Variants in SUMF1 observed in about 807,000 individuals in gnomAD.
The protein encoded by SUMF1 is sulfatase modifying factor 1, also known as formylglycine-generating enzyme.
In SUMF1, 48 loss-of-function variants were observed where a neutral mutation model predicts 47.6. That is an observed-to-expected ratio of 1.01 (90% CI 0.80 to 1.28). The LOEUF is 1.28. Among genes scored for constraint, SUMF1 ranks in the 50% most tolerant of loss-of-function variants. SUMF1 has a pLI of 0.00. For missense variants in SUMF1, 571 were observed against 485.4 expected (o/e 1.18, Z -1.66); for synonymous variants, 230 against 192.1 (o/e 1.20, Z -1.63).
At chr3:4,143,703 G>A (rs185530264) in intron 8 of SUMF1, among the ~76,000 whole-genome samples, 20 of 152,116 alleles carry the variant, frequency 1.3e-4, no homozygotes, top group African/African-American at 4.6e-4. Flanking sequence ...TATAAAACTA[G>A]GCCCAGGGAG....
At chr3:4,226,784 C>G (rs1216370990) in intron 8 of SUMF1, among the ~76,000 whole-genome samples, 1 of 152,056 alleles carries the variant, frequency 6.6e-6, no homozygotes, top group Non-Finnish European at 1.5e-5. Context: ...TACTGCCTCA[C>G]TTCAAATCAA....
intron 8 of SUMF1, among the ~76,000 whole-genome samples, chr3:4,366,132 C>G (rs1341295462): frequency 6.6e-6 from 1 of 152,046 alleles, no homozygotes. Context: ...CGACCTTTCT[C>G]TCTGGCTGCC....
chr3:4,351,523 C>G (rs1423327014), intron 8 of SUMF1, among the ~76,000 whole-genome samples: 1 of 152,156 alleles, frequency 6.6e-6, no homozygotes, highest in Non-Finnish European at 1.5e-5. Context: ...CAGCCACATT[C>G]TTTTTATGTA....
At chr3:4,308,984 T>G (rs1042892069) in intron 8 of SUMF1, among the ~76,000 whole-genome samples, 3 of 152,180 alleles carry the variant, frequency 2.0e-5, no homozygotes, top group Non-Finnish European at 4.4e-5. Flanking sequence ...TAGGGAGACA[T>G]GAGACAACAG....
chr3:4,427,335 C>T (rs756856163), intron 3 of SUMF1, among the ~76,000 whole-genome samples: 1 of 152,128 alleles, frequency 6.6e-6, no homozygotes, highest in Non-Finnish European at 1.5e-5. Flanking sequence ...TTTCAACTGG[C>T]ATCAGTGAAC....
At chr3:4,218,452 G>A (rs1193739364) in intron 8 of SUMF1, among the ~76,000 whole-genome samples, 3 of 151,206 alleles carry the variant, frequency 2.0e-5, no homozygotes, top group Non-Finnish European at 4.4e-5. Context: ...ATTTCATTGT[G>A]TTTTTTGTGT....
chr3:4,104,951 A>G (rs1389099945), intron 8 of SUMF1, among the ~76,000 whole-genome samples: 2 of 152,130 alleles, frequency 1.3e-5, no homozygotes, highest in Non-Finnish European at 2.9e-5. Flanking sequence ...CATTACTCAC[A>G]ATTGCCAAGA....
intron 8 of SUMF1, among the ~76,000 whole-genome samples, chr3:4,183,331 T>C (rs537979828): frequency 6.6e-6 from 1 of 152,312 alleles, no homozygotes; most frequent in South Asian, 2.1e-4. Context: ...TTCTCCTTTA[T>C]GTATTAAAAT....
At chr3:4,206,008 T>A (rs1206299629) in intron 8 of SUMF1, among the ~76,000 whole-genome samples, 1 of 152,048 alleles carries the variant, frequency 6.6e-6, no homozygotes, top group Non-Finnish European at 1.5e-5. Context: ...GTCTTTCTCT[T>A]CAGGGCAGCA....
At chr3:4,212,842 C>T (rs1180329003) in intron 8 of SUMF1, among the ~76,000 whole-genome samples, 3 of 151,824 alleles carry the variant, frequency 2.0e-5, no homozygotes, top group East Asian at 1.9e-4. Flanking sequence ...TGAAATAAAG[C>T]GAGAAGACAA....
At chr3:4,111,807 A>G (rs1693314272) in intron 8 of SUMF1, among the ~76,000 whole-genome samples, 1 of 152,180 alleles carries the variant, frequency 6.6e-6, no homozygotes, top group Non-Finnish European at 1.5e-5. Flanking sequence ...TACCAAGTAC[A>G]ACGTAAAAGG....
At chr3:4,243,094 G>A (rs146494424) in intron 8 of SUMF1, among the ~76,000 whole-genome samples, 55 of 152,230 alleles carry the variant, frequency 3.6e-4, no homozygotes, top group African/African-American at 1.3e-3. Flanking sequence ...TATTTCTGTG[G>A]GATTGATGGT....
intron 7 of SUMF1, 98 bp downstream of exon 7, chr3:4,410,767 T>C (rs1701513547): frequency 1.9e-6 from 2 of 1,064,074 alleles, no homozygotes; most frequent in Non-Finnish European, 2.9e-6. Flanking sequence ...TTCCAGAGTA[T>C]GTAAATACCC....
At chr3:4,297,564 A>ATTTTTTTTT (rs746612402) in intron 8 of SUMF1, among the ~76,000 whole-genome samples, 2 of 113,854 alleles carry the variant, frequency 1.8e-5, no homozygotes, top group African/African-American at 3.5e-5. Flanking sequence ...CTACACCTGA[A>ATTTTTTTTT]TTTTTTTTTT....
chr3:4,436,915 TA>T (rs1702422377), intron 3 of SUMF1, among the ~76,000 whole-genome samples: 1 of 151,808 alleles, frequency 6.6e-6, no homozygotes, highest in African/African-American at 2.4e-5. Flanking sequence ...ACTGACTTCT[TA>T]AAGGCAATAA....
At chr3:4,057,041 C>A (rs934773434) in intron 9 of SUMF1, among the ~76,000 whole-genome samples, 34 of 152,082 alleles carry the variant, frequency 2.2e-4, no homozygotes, top group African/African-American at 8.2e-4. Context: ...CCACCGCGCC[C>A]GGCCGTGATC....
At chr3:4,451,433 CAA>C (rs1221432814) in intron 2 of SUMF1, among the ~76,000 whole-genome samples, 1 of 152,128 alleles carries the variant, frequency 6.6e-6, no homozygotes, top group Non-Finnish European at 1.5e-5. Flanking sequence ...TAGGTTGCTG[CAA>C]AAGTAATCGC....
chr3:4,414,921 AC>A (rs1304127594), intron 6 of SUMF1: 4 of 152,222 alleles, frequency 2.6e-5, no homozygotes, highest in Non-Finnish European at 5.9e-5. Context: ...ATGAACAGGC[AC>A]TTATATCATT....
chr3:4,106,481 CA>C (rs766450975), intron 8 of SUMF1, among the ~76,000 whole-genome samples: 34 of 152,210 alleles, frequency 2.2e-4, no homozygotes, highest in Admixed American at 1.4e-3. Context: ...TTTCCATCTC[CA>C]CTATAACTCC....
Sources: gnomAD v4.1 joint callset for allele counts (sites outside exome capture counted in the v4.1 genomes callset) on GRCh38, gnomAD v4.1.1 for gene constraint, MANE v1.5 for transcripts, NCBI Gene and HGNC (gene_info 2026-07-23, HGNC 2026-07-21) for gene names.